Variants in C6 observed in about 807,000 individuals in gnomAD.
The protein encoded by C6 is complement C6.
In C6, 101 loss-of-function variants were observed where a neutral mutation model predicts 112.9. The observed-to-expected ratio is 0.89, with a 90% CI of 0.76 to 1.06. C6 has a LOEUF of 1.06. Among genes scored for constraint, C6 ranks in the 50% least tolerant of loss-of-function variants. C6 has a pLI of 0.00. For synonymous variants in C6, 431 were observed against 384.1 expected, an observed-to-expected ratio of 1.12 and a Z score of -1.43; for missense variants, 1,202 against 1,104.6, an observed-to-expected ratio of 1.09 and a Z score of -1.25.
chr5:41,149,758 T>G (rs1382679970), intron 16 of C6, among the ~76,000 whole-genome samples, 177 bp downstream of exon 16: 1 of 152,188 alleles, frequency 6.6e-6, no homozygotes, highest in Non-Finnish European at 1.5e-5. Context: ...GAGAGATAAT[T>G]AAGAAACTTG....
chr5:41,158,069 A>G lies in C6; in HGVS notation c.1968+605T>C, dbSNP rs184912588. On this transcript the variant is annotated intron_variant, in intron 13 of 17. Transcript: ENST00000337836. Reference sequence around the variant, plus strand: ...TTTAAGAAAGGTAAAATGAAATAGGAAGCATGACTTCTGTGATCACTTTTA... The same window carrying G: ...TTTAAGAAAGGTAAAATGAAATAGGGAGCATGACTTCTGTGATCACTTTTA... Among the ~76,000 whole-genome samples the G allele has an allele frequency of 5.9e-3, 894 of 152,304 alleles. 7 individuals are homozygous for G. The highest frequency in any genetic ancestry group is 0.038 in the East Asian group (197 of 5,174).
At chr5:41,246,309 T>C (rs1160717188) in intron 1 of C6, among the ~76,000 whole-genome samples, 2 of 152,224 alleles carry the variant, frequency 1.3e-5, no homozygotes, top group East Asian at 3.8e-4. Context: ...GGTTAAAAGC[T>C]GGCCAAATGC....
intron 1 of C6, among the ~76,000 whole-genome samples, chr5:41,204,464 G>A (rs1174103891): frequency 6.6e-6 from 1 of 151,988 alleles, no homozygotes; most frequent in African/African-American, 2.4e-5. Context: ...ATGTCCCAGA[G>A]GATGAGTTTC....
chr5:41,233,506 G>A (rs1033759561), intron 1 of C6, among the ~76,000 whole-genome samples: 2 of 152,038 alleles, frequency 1.3e-5, no homozygotes, highest in African/African-American at 2.4e-5. Context: ...AGATGGCAAA[G>A]GGAAGACTGT....
intron 9 of C6, among the ~76,000 whole-genome samples, chr5:41,162,278 T>C (rs1322747053): frequency 6.6e-6 from 1 of 152,212 alleles, no homozygotes; most frequent in African/African-American, 2.4e-5. Flanking sequence ...TCAACCGCCC[T>C]GCTTCTGATT....
intron 5 of C6, among the ~76,000 whole-genome samples, chr5:41,187,007 C>T (rs973596314): frequency 6.6e-6 from 1 of 152,038 alleles, no homozygotes; most frequent in Non-Finnish European, 1.5e-5. Context: ...TTTTGTCAAA[C>T]AGTTTGGTAA....
chr5:41,215,243 A>C (rs538782067), upstream of C6, among the ~76,000 whole-genome samples: 86 of 152,298 alleles, frequency 5.6e-4, no homozygotes, highest in African/African-American at 1.9e-3. Flanking sequence ...GAGGCTCTCC[A>C]GCCTGAAAAG....
intron 1 of C6, among the ~76,000 whole-genome samples, chr5:41,228,686 T>C (rs1739684326): frequency 6.6e-6 from 1 of 152,198 alleles, no homozygotes; most frequent in African/African-American, 2.4e-5. Context: ...TTTTGACAAA[T>C]GTTTTTTCTG....
intron 1 of C6, among the ~76,000 whole-genome samples, chr5:41,237,119 T>G (rs1031018554): frequency 2.5e-5 from 3 of 120,160 alleles, no homozygotes; most frequent in African/African-American, 1.0e-4. Flanking sequence ...CATGACCAGA[T>G]GGATTCACAG....
At chr5:41,228,961 T>A (rs758650636) in intron 1 of C6, among the ~76,000 whole-genome samples, 3 of 152,162 alleles carry the variant, frequency 2.0e-5, no homozygotes, top group Middle Eastern at 3.2e-3. Context: ...CTTAGGCTAA[T>A]GCTTACATTG....
intron 8 of C6, among the ~76,000 whole-genome samples, chr5:41,176,199 T>G (rs1304689111): frequency 1.3e-5 from 2 of 152,198 alleles, no homozygotes. Context: ...CTGTGTAAGC[T>G]TATGATGTTC....
At chr5:41,195,758 G>A (rs200332384) in intron 5 of C6, 34 bp downstream of exon 5, 12 of 1,607,970 alleles carry the variant, frequency 7.5e-6, no homozygotes, top group Middle Eastern at 1.7e-4. Context: ...TCTGATACCT[G>A]TTCTCCCCAA....
intron 1 of C6, among the ~76,000 whole-genome samples, chr5:41,255,364 A>AAG (rs1202748735): frequency 3.3e-5 from 5 of 151,306 alleles, no homozygotes; most frequent in Admixed American, 6.6e-5. Flanking sequence ...CCGTTAAAAA[A>AAG]AAAAAAAAGA....
intron 5 of C6, among the ~76,000 whole-genome samples, chr5:41,195,274 C>A (rs769857125): frequency 6.6e-6 from 1 of 152,138 alleles, no homozygotes; most frequent in Non-Finnish European, 1.5e-5. Context: ...TTCCTTTTGG[C>A]TTTATCGCTC....
chr5:41,228,214 T>C (rs746211737), intron 1 of C6, among the ~76,000 whole-genome samples: 89 of 152,238 alleles, frequency 5.8e-4, no homozygotes, highest in Middle Eastern at 3.4e-3. Flanking sequence ...TTTATTTTTG[T>C]GGTAGCTTTT....
intron 1 of C6, among the ~76,000 whole-genome samples, chr5:41,206,512 A>G (rs1319225486): frequency 2.0e-5 from 3 of 152,200 alleles, no homozygotes; most frequent in Non-Finnish European, 4.4e-5. Context: ...TAGAATAAAC[A>G]GCATAGAGAA....
chr5:41,161,818 G>A lies in C6; in HGVS notation c.1333C>T (p.Arg445Ter), dbSNP rs778044260. 3.2e-5 allele frequency: 51 copies of A among 1,613,370 alleles called. No individual in the cohort carries two copies. Among genetic ancestry groups the A allele is most frequent in the Non-Finnish European group, 3.9e-5 (46 of 1,179,652 alleles). ...GCTCCATATTCACTCCTTCCACCTC[G>A]AATCAGGGATATGGATTTCTCTGCT... is the stretch of plus-strand genomic sequence containing the variant. ...QGAEKSISLIRGGRSEYGAAL... is the reference protein window; with the variant it reads ...QGAEKSISLI Residue 445 changes from arginine (R) to a stop codon, truncating the protein, a stop_gained, in exon 10 of 18, where the codon CGA becomes TGA. Coordinates refer to ENST00000337836, the MANE Select transcript of C6 (RefSeq NM_000065.5). LOFTEE classifies it high-confidence loss of function.
intron 7 of C6, among the ~76,000 whole-genome samples, chr5:41,179,085 C>A (rs1749105686): frequency 6.6e-6 from 1 of 152,074 alleles, no homozygotes; most frequent in South Asian, 2.1e-4. Flanking sequence ...AACTCCTGAG[C>A]TCAGGCAATC....
At chr5:41,210,675 A>C (rs1751843703) in intron 1 of C6, among the ~76,000 whole-genome samples, 2 of 152,212 alleles carry the variant, frequency 1.3e-5, no homozygotes, top group African/African-American at 4.8e-5. Flanking sequence ...ATGCAGATCA[A>C]AACCACAGTG....
Sources: gnomAD v4.1 joint callset for allele counts (sites outside exome capture counted in the v4.1 genomes callset) on GRCh38, gnomAD v4.1.1 for gene constraint, MANE v1.5 for transcripts, NCBI Gene and HGNC (gene_info 2026-07-23, HGNC 2026-07-21) for gene names.